Variants in CAMK2D observed in about 807,000 individuals in gnomAD.
The protein encoded by CAMK2D is calcium/calmodulin dependent protein kinase II delta.
In CAMK2D, 37 loss-of-function variants were observed where a neutral mutation model predicts 84.0. The observed-to-expected ratio is 0.44, with a 90% CI of 0.34 to 0.58. The LOEUF is 0.58. CAMK2D is among the 20% of genes least tolerant of loss of function. The pLI is 0.02. For synonymous variants in CAMK2D, 202 were observed against 212.5 expected (o/e 0.95, Z 0.43); for missense variants, 448 against 652.5 (o/e 0.69, Z 3.41).
At position 113,451,440 on chromosome 4, in the gene CAMK2D, C is replaced by T. The variant is rs922236296; in HGVS notation, c.*3105G>A. 2.6e-5 allele frequency: 4 copies of T among 152,196 alleles called. No individual in the cohort carries two copies. Among genetic ancestry groups the T allele is most frequent in the African/African-American group, 9.7e-5 (4 of 41,442 alleles). 9.4% of individuals were successfully genotyped at this position (152,196 alleles called of 1,614,324 possible). A position where few individuals can be genotyped will look rare whatever the true frequency, so the allele number is the denominator to read the frequency against. The stretch of plus-strand genomic sequence containing the variant: ...TCTATCAAATATCATTCTAGTCACT[C>T]TGTACCCATTAATCCTCACAATATC... On this transcript the variant is annotated 3_prime_UTR_variant, in exon 21 of 21. Coordinates refer to ENST00000511664, the MANE Select transcript of CAMK2D (RefSeq NM_001321571.2).
chr4:113,642,512 G>A (rs934487403), intron 3 of CAMK2D, among the ~76,000 whole-genome samples: 3 of 152,164 alleles, frequency 2.0e-5, no homozygotes, highest in African/African-American at 7.2e-5. Context: ...AGTGTCATCA[G>A]AAGTGGACAG....
chr4:113,516,232 A>T (rs2098281707), intron 9 of CAMK2D, among the ~76,000 whole-genome samples: 1 of 152,188 alleles, frequency 6.6e-6, no homozygotes, highest in Admixed American at 6.5e-5. Context: ...CCAGCTAAAC[A>T]ATTGCCATTT....
chr4:113,643,224 T>C (rs533799894), intron 3 of CAMK2D, among the ~76,000 whole-genome samples: 2 of 148,720 alleles, frequency 1.3e-5, no homozygotes, highest in South Asian at 4.2e-4. Flanking sequence ...TATATTTCAA[T>C]AGAAAGGGAT....
intron 2 of CAMK2D, among the ~76,000 whole-genome samples, chr4:113,752,078 C>T (rs2099618580): frequency 6.6e-6 from 1 of 151,448 alleles, no homozygotes. Flanking sequence ...AGGTTTCTCT[C>T]CTAAAAAAGT....
At chr4:113,600,765 TG>T (rs2098948489) in intron 4 of CAMK2D, among the ~76,000 whole-genome samples, 2 of 150,892 alleles carry the variant, frequency 1.3e-5, no homozygotes, top group African/African-American at 5.0e-5. Context: ...CTCAAGTAGC[TG>T]GGACTACAGG....
At chr4:113,745,822 TC>T (rs2099602919) in intron 2 of CAMK2D, among the ~76,000 whole-genome samples, 1 of 152,220 alleles carries the variant, frequency 6.6e-6, no homozygotes, top group Non-Finnish European at 1.5e-5. Context: ...TCACTCCTGT[TC>T]CCCTAATCCT....
intron 2 of CAMK2D, among the ~76,000 whole-genome samples, chr4:113,663,996 T>C (rs1358197671): frequency 6.6e-6 from 1 of 152,100 alleles, no homozygotes; most frequent in African/African-American, 2.4e-5. Flanking sequence ...TCTAATCTAA[T>C]ATGACTGGTG....
intron 4 of CAMK2D, among the ~76,000 whole-genome samples, chr4:113,602,051 T>C (rs1448949271): frequency 6.6e-6 from 1 of 152,152 alleles, no homozygotes; most frequent in Non-Finnish European, 1.5e-5. Flanking sequence ...CTCAGCTATG[T>C]TCTATAAAGT....
intron 6 of CAMK2D, among the ~76,000 whole-genome samples, chr4:113,542,553 A>G (rs1387301819): frequency 1.3e-5 from 2 of 152,050 alleles, no homozygotes; most frequent in Admixed American, 1.3e-4. Context: ...GTTTCTACTA[A>G]AAATACAAAA....
At chr4:113,661,959 A>G (rs570797761) in intron 2 of CAMK2D, among the ~76,000 whole-genome samples, 187 bp from the exon 3 acceptor site, 1 of 152,298 alleles carries the variant, frequency 6.6e-6, no homozygotes, top group Non-Finnish European at 1.5e-5. Flanking sequence ...TTTATTTTTC[A>G]CTGACTTGAT....
chr4:113,604,762 C>T (rs1329931043), intron 4 of CAMK2D, among the ~76,000 whole-genome samples: 5 of 152,018 alleles, frequency 3.3e-5, no homozygotes, highest in Non-Finnish European at 5.9e-5. Context: ...ATGTTCTTCA[C>T]CAAATATTAT....
chr4:113,559,901 T>C (rs377538646), intron 4 of CAMK2D, among the ~76,000 whole-genome samples: 2 of 152,136 alleles, frequency 1.3e-5, no homozygotes, highest in Non-Finnish European at 2.9e-5. Context: ...AATCCTGAAA[T>C]AGAGGTGACA....
At chr4:113,493,889 C>T (rs1254664871) in intron 16 of CAMK2D, among the ~76,000 whole-genome samples, 3 of 152,146 alleles carry the variant, frequency 2.0e-5, no homozygotes, top group African/African-American at 7.2e-5. Context: ...TCATTTCATT[C>T]ATTTCATCTT....
intron 4 of CAMK2D, among the ~76,000 whole-genome samples, chr4:113,575,823 T>C (rs1163042046): frequency 2.0e-5 from 3 of 152,158 alleles, no homozygotes; most frequent in Non-Finnish European, 2.9e-5. Context: ...CTGAGAGTCT[T>C]TGTGGAATAA....
chr4:113,513,438 G>C (rs1238811097), intron 11 of CAMK2D, 68 bp from the exon 12 acceptor site: 1 of 949,344 alleles, frequency 1.1e-6, no homozygotes, highest in African/African-American at 1.6e-5. Flanking sequence ...CAAATATAGA[G>C]TCTTTGATAA....
chr4:113,714,144 T>A (rs777664772), intron 2 of CAMK2D, among the ~76,000 whole-genome samples: 1 of 152,054 alleles, frequency 6.6e-6, no homozygotes, highest in Non-Finnish European at 1.5e-5. Flanking sequence ...ATAAACTAAT[T>A]TATCATGTAT....
intron 4 of CAMK2D, among the ~76,000 whole-genome samples, chr4:113,589,174 T>G (rs1206746298): frequency 6.6e-6 from 1 of 152,104 alleles, no homozygotes; most frequent in Non-Finnish European, 1.5e-5. Flanking sequence ...TGGAGTGTTT[T>G]GAGCAGAGGA....
chr4:113,479,803 A>AATC (rs1216220728), intron 16 of CAMK2D, among the ~76,000 whole-genome samples: 10 of 152,180 alleles, frequency 6.6e-5, no homozygotes, highest in African/African-American at 2.4e-4. Context: ...CTCTGGATTT[A>AATC]TGGACTGTTT....
chr4:113,722,594 T>C, intron 2 of CAMK2D, among the ~76,000 whole-genome samples: 1 of 152,172 alleles, frequency 6.6e-6, no homozygotes, highest in East Asian at 1.9e-4. Context: ...AAGGTGAACA[T>C]ATAGCTTATT....
Sources: gnomAD v4.1 joint callset for allele counts (sites outside exome capture counted in the v4.1 genomes callset) on GRCh38, gnomAD v4.1.1 for gene constraint, MANE v1.5 for transcripts, NCBI Gene and HGNC (gene_info 2026-07-23, HGNC 2026-07-21) for gene names.